Variants in RPIA observed in about 807,000 individuals in gnomAD.
RPIA encodes ribose 5-phosphate isomerase A.
In RPIA, 29 loss-of-function variants were observed where a neutral mutation model predicts 37.8. The observed-to-expected ratio is 0.77, with a 90% CI of 0.57 to 1.05. The LOEUF is 1.05. Among genes scored for constraint, RPIA ranks in the 50% least tolerant of loss-of-function variants. The pLI is 0.00. For synonymous variants in RPIA, 167 were observed against 157.0 expected (o/e 1.06, Z -0.48); for missense variants, 385 against 413.6 (o/e 0.93, Z 0.60).
chr2:88,701,925 TAATC>T (rs1395614186), intron 3 of RPIA, among the ~76,000 whole-genome samples: 1 of 152,196 alleles, frequency 6.6e-6, no homozygotes, highest in Non-Finnish European at 1.5e-5. Flanking sequence ...ATTAGAAAGA[TAATC>T]AACAATATGA....
chr2:88,734,456 G>A, intron 4 of RPIA, 96 bp from the exon 5 acceptor site: 2 of 1,159,520 alleles, frequency 1.7e-6, no homozygotes, highest in Non-Finnish European at 2.6e-6. Flanking sequence ...TTAGCTAACA[G>A]GGCTGCTGAG....
chr2:88,729,847 AAGAG>A (rs949548107), intron 4 of RPIA, among the ~76,000 whole-genome samples: 1 of 41,172 alleles, frequency 2.4e-5, no homozygotes, highest in African/African-American at 1.7e-4. Context: ...TAAAGAAAAA[AAGAG>A]AGAAGAATCA....
chr2:88,741,401 TATG>T (rs1673381759), intron 8 of RPIA, among the ~76,000 whole-genome samples: 3 of 152,214 alleles, frequency 2.0e-5, no homozygotes, highest in Admixed American at 2.0e-4. Flanking sequence ...CATTCCTTTT[TATG>T]GCTGAGTAGT....
At chr2:88,745,493 A>C (rs1231692367) in intron 8 of RPIA, among the ~76,000 whole-genome samples, 1 of 152,130 alleles carries the variant, frequency 6.6e-6, no homozygotes, top group Non-Finnish European at 1.5e-5. Flanking sequence ...TTCTCTCAGC[A>C]TTTGTTTGTC....
intron 3 of RPIA, among the ~76,000 whole-genome samples, chr2:88,706,969 A>G (rs1361923132): frequency 6.6e-6 from 1 of 152,234 alleles, no homozygotes; most frequent in Admixed American, 6.5e-5. Context: ...TAAGCTACAT[A>G]TTCTTGGTAG....
chr2:88,746,663 A>G (rs375497466), intron 8 of RPIA, among the ~76,000 whole-genome samples: 1 of 152,196 alleles, frequency 6.6e-6, no homozygotes, highest in African/African-American at 2.4e-5. Flanking sequence ...TGGAGGTGGC[A>G]GGAGAGTGAA....
chr2:88,708,754 A>ATTTTTTTTTTT (rs59981047), intron 3 of RPIA, among the ~76,000 whole-genome samples: 4 of 128,136 alleles, frequency 3.1e-5, no homozygotes, highest in Non-Finnish European at 5.0e-5. Context: ...TGCCAAATGG[A>ATTTTTTTTTTT]TTTTTTTTTT....
chr2:88,750,399 T>G lies in RPIA; in HGVS notation c.*321T>G, dbSNP rs1266493864. On this transcript the variant is annotated 3_prime_UTR_variant, in exon 9 of 9. Transcript: ENST00000283646. ...GTAAACTGTATTTAAAACCTTTGAC[T>G]TGAGTCTGCTGGTAAAGCTTCTGAA... is the stretch of plus-strand genomic sequence containing the variant. 1 of 420,538 alleles carries G rather than the reference T, an allele frequency of 2.4e-6. No individual in the cohort carries two copies. Among genetic ancestry groups the G allele is most frequent in the East Asian group, 3.6e-5 (1 of 27,814 alleles). 26.1% of individuals were successfully genotyped at this position (420,538 alleles called of 1,614,324 possible).
intron 3 of RPIA, among the ~76,000 whole-genome samples, chr2:88,705,140 C>T (rs1672882245): frequency 6.6e-6 from 1 of 152,132 alleles, no homozygotes; most frequent in South Asian, 2.1e-4. Flanking sequence ...CAAATTACTG[C>T]CCAAAGTAAT....
chr2:88,749,480 T>C (rs1044710867), intron 8 of RPIA, among the ~76,000 whole-genome samples: 3 of 152,234 alleles, frequency 2.0e-5, no homozygotes, highest in African/African-American at 7.2e-5. Flanking sequence ...TATAAATTGT[T>C]TATATTTTTG....
At chr2:88,698,449 A>G (rs752682232) in intron 1 of RPIA, 35 bp from the exon 2 acceptor site, 2 of 1,589,096 alleles carry the variant, frequency 1.3e-6, no homozygotes, top group Non-Finnish European at 8.6e-7. Flanking sequence ...TATGATATTA[A>G]TAAGTTTTGT....
chr2:88,716,133 A>G (rs1673033355), intron 3 of RPIA, among the ~76,000 whole-genome samples: 1 of 152,200 alleles, frequency 6.6e-6, no homozygotes, highest in East Asian at 1.9e-4. Flanking sequence ...TTGTTTATGT[A>G]CAAATGCAGA....
At position 88,700,076 on chromosome 2, in the gene RPIA, T is replaced by C; in HGVS notation, c.402+12T>C. 2 of 1,613,804 alleles carry C rather than the reference T, an allele frequency of 1.2e-6. No individual in the cohort carries two copies. Among genetic ancestry groups the C allele is most frequent in the Non-Finnish European group, 1.7e-6 (2 of 1,179,634 alleles). On this transcript the variant is annotated intron_variant, in intron 3 of 8. Coordinates refer to ENST00000283646, the MANE Select transcript of RPIA (RefSeq NM_144563.3). ...CCACTTCCTTCCAGGTATGTCCTGC[T>C]TTCCATCTGCATCGTGACAGCTTCT... is the stretch of plus-strand genomic sequence containing the variant.
chr2:88,709,200 G>A (rs192499058), intron 3 of RPIA, among the ~76,000 whole-genome samples: 3 of 152,296 alleles, frequency 2.0e-5, no homozygotes, highest in Admixed American at 6.5e-5. Context: ...TTCTTCTATC[G>A]CTATGTAATT....
intron 3 of RPIA, among the ~76,000 whole-genome samples, chr2:88,717,309 C>T (rs778861328): frequency 3.3e-5 from 5 of 152,080 alleles, no homozygotes; most frequent in Non-Finnish European, 7.4e-5. Context: ...CTCAGGAGGT[C>T]CTGACGATAT....
intron 3 of RPIA, among the ~76,000 whole-genome samples, chr2:88,703,741 C>G (rs190787965): frequency 6.6e-6 from 1 of 152,334 alleles, no homozygotes; most frequent in Non-Finnish European, 1.5e-5. Context: ...ACATTTGGCT[C>G]TTCCTTACTT....
intron 1 of RPIA, 67 bp from the exon 2 acceptor site, chr2:88,698,417 G>C: frequency 7.4e-7 from 1 of 1,344,966 alleles, no homozygotes; most frequent in Admixed American, 1.7e-5. Context: ...GCTTTAGGAA[G>C]TAGGCTGACA....
chr2:88,742,783 G>A (rs938639071), intron 8 of RPIA, among the ~76,000 whole-genome samples: 1 of 151,956 alleles, frequency 6.6e-6, no homozygotes, highest in Non-Finnish European at 1.5e-5. Context: ...ATACTCCTAA[G>A]TATTTTATTT....
intron 3 of RPIA, among the ~76,000 whole-genome samples, chr2:88,700,596 G>T (rs1336890432): frequency 6.6e-6 from 1 of 152,212 alleles, no homozygotes; most frequent in African/African-American, 2.4e-5. Context: ...CCAAGCTGCA[G>T]TGAGCTGTGA....
Sources: gnomAD v4.1 joint callset for allele counts (sites outside exome capture counted in the v4.1 genomes callset) on GRCh38, gnomAD v4.1.1 for gene constraint, MANE v1.5 for transcripts, NCBI Gene and HGNC (gene_info 2026-07-23, HGNC 2026-07-21) for gene names.